Variants in PIK3CB observed in about 807,000 individuals in gnomAD.
PIK3CB encodes the protein phosphatidylinositol-4,5-bisphosphate 3-kinase catalytic subunit beta, also known as phosphatidylinositol 4,5-bisphosphate 3-kinase catalytic subunit beta isoform.
PIK3CB carries 39 observed loss-of-function variants against 136.8 expected under a neutral mutation model. The ratio of observed to expected loss-of-function variants is 0.29; its 90% CI spans 0.22 to 0.37. PIK3CB has a LOEUF of 0.37. Among genes scored for constraint, PIK3CB ranks in the 10% least tolerant of loss-of-function variants. PIK3CB has a pLI of 1.00. For missense variants in PIK3CB, 868 were observed against 1,275.4 expected (o/e 0.68, Z 4.87); for synonymous variants, 428 against 436.6 (o/e 0.98, Z 0.25).
intron 2 of PIK3CB, among the ~76,000 whole-genome samples, chr3:138,793,434 C>T (rs575809691): frequency 2.2e-4 from 34 of 151,896 alleles, no homozygotes; most frequent in Non-Finnish European, 4.4e-4. Flanking sequence ...GGTGAAACCC[C>T]GTCTCTAATA....
At chr3:138,823,191 G>A (rs1441396451) in intron 1 of PIK3CB, among the ~76,000 whole-genome samples, 1 of 151,722 alleles carries the variant, frequency 6.6e-6, no homozygotes, top group South Asian at 2.1e-4. Flanking sequence ...GGAGCCTGAG[G>A]TGGGGGGATC....
chr3:138,785,521 A>C (rs1181296207), intron 2 of PIK3CB, among the ~76,000 whole-genome samples: 2 of 152,182 alleles, frequency 1.3e-5, no homozygotes. Flanking sequence ...CCTTACCCCC[A>C]ACCCCATGCT....
intron 12 of PIK3CB, among the ~76,000 whole-genome samples, chr3:138,701,932 CTA>C (rs907264570): frequency 4.7e-5 from 7 of 148,116 alleles, no homozygotes; most frequent in African/African-American, 4.9e-5. Context: ...AAAGTAGAAA[CTA>C]TATATATATA....
At chr3:138,831,204 G>A (rs928700648) in intron 1 of PIK3CB, among the ~76,000 whole-genome samples, 16 of 149,954 alleles carry the variant, frequency 1.1e-4, no homozygotes, top group Admixed American at 4.7e-4. Flanking sequence ...GGAGAACGGC[G>A]TGAACCCAGG....
At chr3:138,744,415 A>AAAAAAAAAAAAAAAAG (rs2045309735) in intron 4 of PIK3CB, among the ~76,000 whole-genome samples, 1 of 145,968 alleles carries the variant, frequency 6.9e-6, no homozygotes, top group Non-Finnish European at 1.5e-5. Context: ...AAAAAAAAAA[A>AAAAAAAAAAAAAAAAG]AAAAAAAGGA....
At chr3:138,728,248 G>T (rs190499452) in intron 8 of PIK3CB, among the ~76,000 whole-genome samples, 1 of 152,126 alleles carries the variant, frequency 6.6e-6, no homozygotes, top group African/African-American at 2.4e-5. Context: ...AACTTGTTCA[G>T]AAAATAGAGA....
intron 1 of PIK3CB, among the ~76,000 whole-genome samples, chr3:138,812,099 G>C (rs1296203688): frequency 6.6e-6 from 1 of 151,670 alleles, no homozygotes; most frequent in Non-Finnish European, 1.5e-5. Flanking sequence ...TCTAAAAAAA[G>C]AAAAAAGCCA....
chr3:138,819,901 C>G lies in PIK3CB; in HGVS notation c.-122+14794G>C, dbSNP rs146941295. On this transcript the variant is annotated intron_variant, in intron 1 of 23. Coordinates refer to ENST00000674063, the MANE Select transcript of PIK3CB (RefSeq NM_006219.3). ...TGAGGCAGGAGAATCGCTTGAACCT[C>G]AGGCAGAAGCTGCAGTAAGCTGAGA... 1.0e-3 allele frequency among the ~76,000 whole-genome samples: 152 copies of G among 152,288 alleles called. 1 individual carries two copies. The highest frequency in any genetic ancestry group is 3.6e-3 in the African/African-American group (149 of 41,566).
rs778591848 is a variant in PIK3CB, at chr3:138,758,847, T to G, written c.171+326A>C. Reference sequence around the variant, plus strand: ...AAATATCTGGTGAACAGCAGAAAAGTCTTTCTTCCCCCAAGAGTCAAGGAA... The same window carrying G: ...AAATATCTGGTGAACAGCAGAAAAGGCTTTCTTCCCCCAAGAGTCAAGGAA... On this transcript the variant is annotated intron_variant, in intron 3 of 23. Transcript: ENST00000674063. Among the ~76,000 whole-genome samples, 3 of 151,908 alleles carry G rather than the reference T, an allele frequency of 2.0e-5. No homozygotes were observed. The South Asian group carries it at 6.2e-4, about 32-fold the overall frequency.
At chr3:138,674,092 AG>A (rs2043595845) in intron 19 of PIK3CB, among the ~76,000 whole-genome samples, 1 of 151,974 alleles carries the variant, frequency 6.6e-6, no homozygotes, top group African/African-American at 2.4e-5. Flanking sequence ...GCTAACTGAA[AG>A]CTTAAAAGGA....
intron 10 of PIK3CB, among the ~76,000 whole-genome samples, chr3:138,709,466 A>T (rs927543969): frequency 3.9e-5 from 6 of 152,324 alleles, no homozygotes; most frequent in African/African-American, 1.4e-4. Flanking sequence ...ACAGGAATCG[A>T]CATTTGTATT....
At chr3:138,759,789 T>C (rs1242578653) in intron 2 of PIK3CB, among the ~76,000 whole-genome samples, 2 of 152,184 alleles carry the variant, frequency 1.3e-5, no homozygotes, top group Non-Finnish European at 2.9e-5. Context: ...GTGATTTTTC[T>C]CCAAACTTTA....
chr3:138,712,823 TCTTA>T (rs1317703635), intron 9 of PIK3CB, among the ~76,000 whole-genome samples: 3 of 152,150 alleles, frequency 2.0e-5, no homozygotes, highest in African/African-American at 7.2e-5. Context: ...TACCTAAGCC[TCTTA>T]AAGTGTTGGA....
chr3:138,759,115 T>A lies in PIK3CB; in HGVS notation c.171+58A>T, dbSNP rs149535295. The A allele has an allele frequency of 9.1e-4, 928 of 1,021,706 alleles. 7 individuals carry two copies. The African/African-American group carries it at 0.013, about 15-fold the overall frequency. 63.3% of individuals were successfully genotyped at this position (1,021,706 alleles called of 1,614,324 possible). A position where few individuals can be genotyped will look rare whatever the true frequency, so the allele number is the denominator to read the frequency against. The stretch of plus-strand genomic sequence containing the variant: ...ATTAACATTTTCTATTATAGAATGA[T>A]ATTTCCCCCAAGTGACACAGTATGC... On this transcript the variant is annotated intron_variant, in intron 3 of 23. Coordinates refer to ENST00000674063, the MANE Select transcript of PIK3CB (RefSeq NM_006219.3).
At chr3:138,812,212 T>C (rs191101432) in intron 1 of PIK3CB, among the ~76,000 whole-genome samples, 8 of 150,148 alleles carry the variant, frequency 5.3e-5, no homozygotes, top group Non-Finnish European at 1.0e-4. Flanking sequence ...GGGAGGTGAC[T>C]GGGGCTATAA....
chr3:138,707,057 T>C (rs1436929295), intron 11 of PIK3CB, 102 bp downstream of exon 11: 1 of 789,962 alleles, frequency 1.3e-6, no homozygotes, highest in East Asian at 2.5e-5. Context: ...GCTGTCACTG[T>C]ATGGGAAGTT....
At chr3:138,686,720 T>C (rs1476504898) in intron 16 of PIK3CB, among the ~76,000 whole-genome samples, 5 of 152,198 alleles carry the variant, frequency 3.3e-5, no homozygotes, top group East Asian at 3.8e-4. Context: ...ATTTATAACA[T>C]GTTTTCATTT....
intron 1 of PIK3CB, among the ~76,000 whole-genome samples, chr3:138,831,217 G>A (rs1934020040): frequency 6.6e-6 from 1 of 150,382 alleles, no homozygotes. Flanking sequence ...AACCCAGGAG[G>A]TGTGAACTCC....
chr3:138,737,713 C>A lies in PIK3CB; in HGVS notation c.795G>T (p.Gln265His). Residue 265 changes from glutamine (Q) to histidine (H), a missense_variant, in exon 6 of 24, where the codon CAG (glutamine) becomes CAT (histidine). This residue lies in a region of PIK3CB where 612 missense variants were observed against 801.1 expected (regional missense o/e 0.76). Coordinates refer to ENST00000674063, the MANE Select transcript of PIK3CB (RefSeq NM_006219.3). Reference protein sequence around the residue: ...EYVFGDHPLIQFQYIRNCVMN... With the variant: ...EYVFGDHPLIHFQYIRNCVMN... The stretch of plus-strand genomic sequence containing the variant: ...TAATAGTTAATATACATACCTGGAA[C>A]TGAATTAGTGGATGATCACCAAAAA... 1 of 1,586,060 alleles carries A rather than the reference C, an allele frequency of 6.3e-7. No individual in the cohort carries two copies. The highest frequency in any genetic ancestry group is 8.6e-7 in the Non-Finnish European group (1 of 1,162,140).
Sources: allele counts gnomAD v4.1 joint callset (sites outside exome capture counted in the v4.1 genomes callset), GRCh38; gene constraint gnomAD v4.1.1; regional missense constraint gnomAD v4.1.1; transcripts MANE v1.5; gene names NCBI Gene and HGNC (gene_info 2026-07-23, HGNC 2026-07-21).